Variants in SNX29 observed in about 807,000 individuals in gnomAD.
The protein encoded by SNX29 is sorting nexin-29.
Under a neutral mutation model 102.1 loss-of-function variants are expected in SNX29, and 78 were observed. That is an observed-to-expected ratio of 0.76 (90% CI 0.64 to 0.92). SNX29 has a LOEUF of 0.92. SNX29 is among the 40% of genes least tolerant of loss of function. SNX29 has a pLI of 0.00. For missense variants in SNX29, 1,280 were observed against 1,061.7 expected, an observed-to-expected ratio of 1.21 and a Z score of -2.86; for synonymous variants, 580 against 414.5, an observed-to-expected ratio of 1.40 and a Z score of -4.85.
chr16:12,546,230 G>A (rs972209174), intron 20 of SNX29: 2 of 152,198 alleles, frequency 1.3e-5, no homozygotes, highest in African/African-American at 2.4e-5. Context: ...TGCTGTAGAG[G>A]TAAACTTGAC....
At chr16:12,378,956 T>C (rs1258581228) in intron 16 of SNX29, among the ~76,000 whole-genome samples, 1 of 152,154 alleles carries the variant, frequency 6.6e-6, no homozygotes, top group Non-Finnish European at 1.5e-5. Context: ...TGACCCATCC[T>C]GAACCAGTTA....
chr16:12,345,807 C>G (rs1229527430), intron 15 of SNX29, among the ~76,000 whole-genome samples: 1 of 152,148 alleles, frequency 6.6e-6, no homozygotes, highest in South Asian at 2.1e-4. Flanking sequence ...TCTGCCCTCT[C>G]CTCCCACCTC....
intron 20 of SNX29, among the ~76,000 whole-genome samples, chr16:12,539,272 A>T (rs567356944): frequency 5.3e-5 from 8 of 152,158 alleles, no homozygotes; most frequent in African/African-American, 1.9e-4. Context: ...TTTCCTTTCT[A>T]GCTGCACCCT....
At chr16:12,564,405 G>C (rs1442032323) in intron 20 of SNX29, among the ~76,000 whole-genome samples, 1 of 150,984 alleles carries the variant, frequency 6.6e-6, no homozygotes, top group Admixed American at 6.6e-5. Flanking sequence ...ATGCATCAAT[G>C]ATGTATGATT....
At chr16:12,428,761 C>T (rs1437527965) in intron 18 of SNX29, among the ~76,000 whole-genome samples, 7 of 152,046 alleles carry the variant, frequency 4.6e-5, no homozygotes, top group African/African-American at 1.7e-4. Flanking sequence ...ATTAATATCT[C>T]CTCCTAGTTA....
intron 14 of SNX29, among the ~76,000 whole-genome samples, chr16:12,274,441 T>G (rs148140951): frequency 6.6e-6 from 1 of 152,354 alleles, no homozygotes; most frequent in East Asian, 1.9e-4. Context: ...GTCTGTTGGC[T>G]CTGAATTATA....
At chr16:12,503,549 ACTC>A (rs1227135886) in intron 19 of SNX29, among the ~76,000 whole-genome samples, 1 of 151,874 alleles carries the variant, frequency 6.6e-6, no homozygotes, top group Non-Finnish European at 1.5e-5. Flanking sequence ...GCTGAGGAAA[ACTC>A]CTAGACTAGC....
chr16:12,235,700 T>C (rs1391098110), intron 14 of SNX29, among the ~76,000 whole-genome samples: 2 of 151,816 alleles, frequency 1.3e-5, no homozygotes, highest in African/African-American at 2.4e-5. Context: ...TGCATCCACA[T>C]TTTTTTTATT....
intron 16 of SNX29, among the ~76,000 whole-genome samples, chr16:12,378,164 G>T (rs1173928141): frequency 2.6e-5 from 4 of 152,192 alleles, no homozygotes; most frequent in Non-Finnish European, 5.9e-5. Flanking sequence ...TAATTTATGA[G>T]GAAAAGTTTT....
chr16:12,151,310 TTACACAATAA>T (rs1360973136), intron 13 of SNX29, among the ~76,000 whole-genome samples: 1 of 152,166 alleles, frequency 6.6e-6, no homozygotes, highest in Non-Finnish European at 1.5e-5. Flanking sequence ...ACACACACTA[TTACACAATAA>T]AATTAGCAAC....
At chr16:12,535,710 C>A (rs2077056806) in intron 20 of SNX29, among the ~76,000 whole-genome samples, 1 of 152,094 alleles carries the variant, frequency 6.6e-6, no homozygotes. Flanking sequence ...GTCCTCTGTG[C>A]CCCTTGTAAA....
rs74418016 is a variant in SNX29, at chr16:12,469,159, A to G, written c.2038-8560A>G. ...GGAATGGTGCTGGCAATTCTTAGTA[A>G]ATAATGCATTTCCTCTTGTACTAGG... On this transcript the variant is annotated intron_variant, in intron 18 of 20. Coordinates refer to ENST00000566228, the MANE Select transcript of SNX29 (RefSeq NM_032167.5). 3.2e-3 allele frequency among the ~76,000 whole-genome samples: 486 copies of G among 152,328 alleles called. 20 individuals carry two copies. The East Asian group carries it at 0.078, about 24-fold the overall frequency.
chr16:12,209,439 C>G lies in SNX29; in HGVS notation c.1678+9756C>G, dbSNP rs1226515040. Among the ~76,000 whole-genome samples the G allele has an allele frequency of 2.6e-5, 4 of 152,358 alleles. No homozygotes were observed. In the South Asian group the frequency reaches 8.3e-4, roughly 32 times the overall value. On this transcript the variant is annotated intron_variant, in intron 14 of 20. Coordinates refer to ENST00000566228, the MANE Select transcript of SNX29 (RefSeq NM_032167.5). ...TCCTGGCCTCAAGTAATCTGCCCAC[C>G]TTGGCCTCCCAAAGTGCTGGGATTA...
chr16:12,539,931 T>C (rs1449624800), intron 20 of SNX29, among the ~76,000 whole-genome samples: 1 of 152,176 alleles, frequency 6.6e-6, no homozygotes, highest in Non-Finnish European at 1.5e-5. Context: ...TCTTTGTATA[T>C]GTTAGATGCA....
Position 12,569,712 on chromosome 16 carries a change from G to C in SNX29, c.*1083G>C. On this transcript the variant is annotated 3_prime_UTR_variant, in exon 21 of 21. Coordinates refer to ENST00000566228, the MANE Select transcript of SNX29 (RefSeq NM_032167.5). ...CCTTGGCAGGTGGAGAGGAGGATGGGGACCAGCAGCTGGGCAGCCCCCAGG... is the reference window on the plus strand; with the variant it reads ...CCTTGGCAGGTGGAGAGGAGGATGGCGACCAGCAGCTGGGCAGCCCCCAGG... 4.3e-6 allele frequency: 1 copy of C among 230,702 alleles called. No homozygotes were observed. The highest frequency in any genetic ancestry group is 8.6e-6 in the Non-Finnish European group (1 of 116,504). The allele number at this position is 230,702 out of a possible 1,614,324, so 14.3% of individuals were successfully genotyped here. A position where few individuals can be genotyped will look rare whatever the true frequency, so the allele number is the denominator to read the frequency against.
chr16:12,529,098 T>C (rs984476962), intron 20 of SNX29, among the ~76,000 whole-genome samples: 1 of 152,234 alleles, frequency 6.6e-6, no homozygotes, highest in Admixed American at 6.5e-5. Context: ...ATCGGGAGGT[T>C]GAGTTTTTCC....
At chr16:12,334,419 C>A (rs1196506551) in intron 15 of SNX29, among the ~76,000 whole-genome samples, 3 of 152,072 alleles carry the variant, frequency 2.0e-5, no homozygotes, top group South Asian at 2.1e-4. Context: ...CGGGTGCATT[C>A]GAATGTTCTT....
intron 9 of SNX29, among the ~76,000 whole-genome samples, chr16:12,068,816 T>C (rs542536308): frequency 3.0e-4 from 45 of 152,180 alleles, no homozygotes; most frequent in African/African-American, 1.1e-3. Flanking sequence ...ATTACAGGAG[T>C]GAGCCGCCAT....
At chr16:12,051,439 C>T (rs1422090757) in intron 7 of SNX29, among the ~76,000 whole-genome samples, 1 of 152,044 alleles carries the variant, frequency 6.6e-6, no homozygotes, top group Non-Finnish European at 1.5e-5. Context: ...TGCAAAGGGG[C>T]ATTGCACAGG....
Sources: gnomAD v4.1 joint callset for allele counts (sites outside exome capture counted in the v4.1 genomes callset) on GRCh38, gnomAD v4.1.1 for gene constraint, MANE v1.5 for transcripts, NCBI Gene and HGNC (gene_info 2026-07-23, HGNC 2026-07-21) for gene names.